The following SOX5 variants were observed in gnomAD, a reference collection of about 807,000 sequenced individuals.
The protein encoded by SOX5 is transcription factor SOX-5.
A neutral mutation model predicts 92.0 loss-of-function variants in SOX5; 9 were observed. The ratio of observed to expected loss-of-function variants is 0.10; its 90% CI spans 0.06 to 0.17. The LOEUF is 0.17. Ranked by LOEUF, SOX5 falls within the 10% of genes least tolerant of loss-of-function variation. The probability of loss-of-function intolerance (pLI) is 1.00; values close to 1 mark genes in which losing one functional copy is unlikely to be tolerated. For missense variants in SOX5, 642 were observed against 944.5 expected (o/e 0.68, Z 4.20); for synonymous variants, 344 against 336.3 (o/e 1.02, Z -0.25).
chr12:24,160,635 G>A (rs4131756), intron 4 of SOX5, among the ~76,000 whole-genome samples: 18,258 of 151,954 alleles, frequency 0.12, 1,560 homozygotes, highest in East Asian at 0.44. Flanking sequence ...GTAAAATCAT[G>A]ATTACATAGA....
chr12:24,213,419 T>TAAAAAA (rs67296842), intron 3 of SOX5: 997 of 96,406 alleles, frequency 0.01, no homozygotes, highest in Non-Finnish European at 0.013. Flanking sequence ...CTTGAAATGC[T>TAAAAAA]AAAAAAAAAA....
intron 4 of SOX5, among the ~76,000 whole-genome samples, chr12:23,960,226 A>G (rs74069852): frequency 1.5e-4 from 23 of 152,236 alleles, no homozygotes; most frequent in African/African-American, 5.5e-4. Context: ...GAAGAGAAAA[A>G]GTAAGCCACA....
rs529730624 is a variant in SOX5 at position 24,210,799 on chromosome 12, C to A, written c.-2+2544G>T. Among the ~76,000 whole-genome samples the A allele has an allele frequency of 3.9e-5, 6 of 152,314 alleles. No homozygotes were observed. The East Asian group carries it at 1.2e-3, about 29-fold the overall frequency. On this transcript the variant is annotated intron_variant, in intron 4 of 4. Transcript: ENST00000446891. ...TAGCCCCTTGAACACAATCATCAGT[C>A]AATATCCTGGTTAGACAATGTTGCC...
In SOX5 at chr12:23,619,151, C is replaced by A. The variant is rs994711737; in HGVS notation, c.1018-14618G>T. On this transcript the variant is annotated intron_variant, in intron 8 of 14. Transcript: ENST00000451604. ...ATTCCGCTCTTACTTTTTTCTTCCT[C>A]CTTCCCTCATAAACCTTTAAGATTA... is the stretch of plus-strand genomic sequence containing the variant. 4.6e-5 allele frequency among the ~76,000 whole-genome samples: 7 copies of A among 152,262 alleles called. No homozygotes were observed. In the East Asian group the frequency reaches 1.4e-3, roughly 29 times the overall value.
intron 1 of SOX5, among the ~76,000 whole-genome samples, chr12:23,904,526 A>T (rs1025395699): frequency 3.2e-4 from 49 of 152,356 alleles, no homozygotes; most frequent in African/African-American, 1.2e-3. Context: ...AAAATTTACC[A>T]TAACATGTAA....
intron 1 of SOX5, among the ~76,000 whole-genome samples, chr12:24,514,460 T>C (rs1477462221): frequency 6.6e-6 from 1 of 152,204 alleles, no homozygotes; most frequent in African/African-American, 2.4e-5. Context: ...GCCAAAAATT[T>C]ACCCATATAT....
chr12:23,908,973 GA>G (rs532844770), intron 1 of SOX5, among the ~76,000 whole-genome samples: 17 of 145,290 alleles, frequency 1.2e-4, no homozygotes, highest in African/African-American at 3.3e-4. Context: ...GTTGTTTTTA[GA>G]AAAAAAAAAA....
At chr12:24,333,824 TTATAATG>T (rs1951592468) in intron 2 of SOX5, among the ~76,000 whole-genome samples, 2 of 148,706 alleles carry the variant, frequency 1.3e-5, no homozygotes, top group Admixed American at 6.8e-5. Flanking sequence ...TTTGGATATT[TTATAATG>T]TGTCTAAAGT....
chr12:24,484,804 C>A lies in SOX5; in HGVS notation c.-251+77525G>T, dbSNP rs552535527. ...ATGATAGCGTTAATTAACTTATATT[C>A]TTCTCAACCCCTGTTTTGCATAAAG... On this transcript the variant is annotated intron_variant, in intron 1 of 4. Transcript: ENST00000446891. Among the ~76,000 whole-genome samples the A allele has an allele frequency of 2.0e-5, 3 of 152,284 alleles. No homozygotes were observed. In the East Asian group the frequency reaches 5.8e-4, roughly 29 times the overall value.
rs371480644 is a variant in SOX5 at position 23,600,522 on chromosome 12, C to CATATATATATATATATATATAT, written c.1164+3843_1164+3864dup. 2.5e-3 allele frequency among the ~76,000 whole-genome samples: 98 copies of CATATATATATATATATATATAT among 39,778 alleles called. 4 individuals carry two copies. The highest frequency in any genetic ancestry group is 5.2e-3 in the African/African-American group (55 of 10,674). 26.1% of individuals were successfully genotyped at this position (39,778 alleles called of 152,430 possible). A position where few individuals can be genotyped will look rare whatever the true frequency, so the allele number is the denominator to read the frequency against. On this transcript the variant is annotated intron_variant, in intron 9 of 14. Transcript: ENST00000451604. ...AAGATAGACCATGGCGGGGGGGGTG[C>CATATATATATATATATATATAT]ATATATATATATATATATATATATA...
At chr12:24,319,250 A>G (rs1205607914) in intron 2 of SOX5, among the ~76,000 whole-genome samples, 2 of 152,188 alleles carry the variant, frequency 1.3e-5, no homozygotes, top group Non-Finnish European at 2.9e-5. Context: ...AAGCATGCTC[A>G]TTCACGCATC....
chr12:23,738,531 T>C (rs2093684416), intron 5 of SOX5: 1 of 152,062 alleles, frequency 6.6e-6, no homozygotes, highest in African/African-American at 2.4e-5. Flanking sequence ...CTTGAAGAAC[T>C]TAGGGGTTTG....
chr12:24,098,849 C>T (rs898663603), intron 4 of SOX5, among the ~76,000 whole-genome samples: 7 of 152,112 alleles, frequency 4.6e-5, no homozygotes, highest in African/African-American at 1.4e-4. Context: ...AGCCATGTGT[C>T]CATATGCTCA....
At chr12:23,878,110 T>C (rs1031298598) in intron 2 of SOX5, among the ~76,000 whole-genome samples, 28 of 152,082 alleles carry the variant, frequency 1.8e-4, no homozygotes, top group African/African-American at 6.8e-4. Flanking sequence ...AGTTTTGGCA[T>C]ATACTCTTCA....
intron 6 of SOX5, among the ~76,000 whole-genome samples, chr12:23,669,405 A>G (rs934415542): frequency 6.6e-6 from 1 of 152,112 alleles, no homozygotes; most frequent in African/African-American, 2.4e-5. Flanking sequence ...TAGGAATGGC[A>G]AAAAATATGA....
At chr12:24,543,568 G>A (rs961654331) in intron 1 of SOX5, among the ~76,000 whole-genome samples, 1 of 152,140 alleles carries the variant, frequency 6.6e-6, no homozygotes, top group Non-Finnish European at 1.5e-5. Flanking sequence ...CGCGTGTGTG[G>A]TCTCAGCTAC....
intron 1 of SOX5, among the ~76,000 whole-genome samples, chr12:24,525,240 A>G (rs1950597679): frequency 1.3e-5 from 2 of 152,358 alleles, no homozygotes; most frequent in East Asian, 1.9e-4. Flanking sequence ...ATGCAAAAAC[A>G]TAAATGAACC....
In SOX5 at chr12:23,670,518, C is replaced by T. The variant is rs1415898876; in HGVS notation, c.811-4954G>A. ...GAAAGAGAGAAACTAACCAAAATTC[C>T]GGAGGAGGCTAGAAGACAAGGCAGA... is the stretch of plus-strand genomic sequence containing the variant. On this transcript the variant is annotated intron_variant, in intron 6 of 14. Transcript: ENST00000451604. Among the ~76,000 whole-genome samples the T allele has an allele frequency of 3.3e-5, 5 of 151,896 alleles. No homozygotes were observed. The East Asian group carries it at 5.8e-4, about 18-fold the overall frequency.
At chr12:23,950,824 C>A, upstream of SOX5, 2 of 1,523,454 alleles carry the variant, frequency 1.3e-6, no homozygotes, top group Non-Finnish European at 1.8e-6. Context: ...GTACCTTTGA[C>A]ACGAAATGAC....
Sources: gnomAD v4.1 joint callset for allele counts (sites outside exome capture counted in the v4.1 genomes callset) on GRCh38, gnomAD v4.1.1 for gene constraint, MANE v1.5 for transcripts, NCBI Gene and HGNC (gene_info 2026-07-23, HGNC 2026-07-21) for gene names.